The following DNAH3 variants were observed in gnomAD, a reference collection of about 807,000 sequenced individuals.
DNAH3 encodes the protein axonemal beta dynein heavy chain 3.
Under a neutral mutation model 432.5 loss-of-function variants are expected in DNAH3, and 332 were observed. That is an observed-to-expected ratio of 0.77 (90% CI 0.70 to 0.84). The LOEUF (loss-of-function observed/expected upper bound fraction) is 0.84, where lower values mean the gene tolerates loss of function less well. Ranked by LOEUF, DNAH3 falls within the 40% of genes least tolerant of loss-of-function variation. DNAH3 has a pLI of 0.00. For missense variants in DNAH3, 4,861 were observed against 5,114.0 expected, an observed-to-expected ratio of 0.95 and a Z score of 1.51; for synonymous variants, 1,956 against 1,900.2, an observed-to-expected ratio of 1.03 and a Z score of -0.76.
chr16:21,126,313 T>C (rs147919079), intron 8 of DNAH3, among the ~76,000 whole-genome samples: 191 of 152,340 alleles, frequency 1.3e-3, no homozygotes, highest in African/African-American at 4.3e-3. Flanking sequence ...AAAAAGGTAC[T>C]ACTCTAGCAA....
chr16:20,996,782 A>G (rs2086781039), intron 44 of DNAH3: 1 of 153,846 alleles, frequency 6.5e-6, no homozygotes, highest in South Asian at 2.0e-4. Flanking sequence ...TTAACCAATA[A>G]TGTATATCAG....
At position 21,120,105 on chromosome 16, in the gene DNAH3, C is replaced by CTTT. The variant is rs35011784; in HGVS notation, c.1699+632_1699+634dup. Among the ~76,000 whole-genome samples the CTTT allele has an allele frequency of 3.1e-3, 396 of 128,560 alleles. 17 individuals carry two copies. Among genetic ancestry groups the CTTT allele is most frequent in the South Asian group, 0.022 (91 of 4,060 alleles). The allele number at this position is 128,560 out of a possible 152,430, so 84.3% of individuals were successfully genotyped here. A position where few individuals can be genotyped will look rare whatever the true frequency, so the allele number is the denominator to read the frequency against. Reference sequence around the variant, plus strand: ...TCTCTTGTTAGCTTTTCCCTACCAACTTTTTTTTTTTTTTTTTTGACAGAG... The same window carrying CTTT: ...TCTCTTGTTAGCTTTTCCCTACCAACTTTTTTTTTTTTTTTTTTTTTGACAGAG... On this transcript the variant is annotated intron_variant, in intron 11 of 61. Coordinates refer to ENST00000261383, the Ensembl canonical transcript of DNAH3.
In DNAH3 at chr16:21,120,821, C is replaced by T; in HGVS notation, c.1618G>A (p.Ala540Thr). 6.2e-7 allele frequency: 1 copy of T among 1,614,022 alleles called. No individual in the cohort carries two copies. The highest frequency in any genetic ancestry group is 2.2e-5 in the East Asian group (1 of 44,838). ...ACACATTGCCGATCAGCAGCAGCAG[C>T]AGTGAAGGAGAACTTAAGTGGTATG... Residue 540 changes from alanine (A) to threonine (T), a missense_variant, in exon 11 of 62, where the codon GCT becomes ACT. By Grantham distance (58) the Ala-to-Thr change is moderately conservative. Transcript: ENST00000261383.
exon 53 of DNAH3, chr16:20,964,458 C>T: frequency 6.2e-7 from 1 of 1,614,176 alleles, no homozygotes. Flanking sequence ...TTGCCTTGAG[C>T]AAGATAGGTT....
At chr16:21,112,921 G>T (rs1339728794) in intron 12 of DNAH3, among the ~76,000 whole-genome samples, 1 of 152,096 alleles carries the variant, frequency 6.6e-6, no homozygotes, top group Non-Finnish European at 1.5e-5. Context: ...CTCCCATTTG[G>T]AATGGCTGTA....
chr16:20,969,276 GCA>G (rs964363934), intron 52 of DNAH3, among the ~76,000 whole-genome samples: 11 of 150,210 alleles, frequency 7.3e-5, no homozygotes, highest in African/African-American at 2.7e-4. Context: ...GTCTCTGTGT[GCA>G]TGCATGTGTG....
chr16:20,986,860 T>C (rs2086223953), intron 47 of DNAH3, among the ~76,000 whole-genome samples: 1 of 152,140 alleles, frequency 6.6e-6, no homozygotes, highest in Admixed American at 6.5e-5. Flanking sequence ...ATGATAAAAA[T>C]ATAGATGTTT....
chr16:21,134,176 C>T (rs561558533), intron 7 of DNAH3, 83 bp downstream of exon 8: 2 of 1,346,092 alleles, frequency 1.5e-6, no homozygotes, highest in African/African-American at 2.9e-5. Context: ...AGGGCTACCC[C>T]CACTGTGCAC....
chr16:21,022,586 G>A (rs2088299801), intron 39 of DNAH3, among the ~76,000 whole-genome samples: 1 of 152,010 alleles, frequency 6.6e-6, no homozygotes, highest in Admixed American at 6.6e-5. Context: ...GTATGGGTAG[G>A]TTTATATGTT....
intron 52 of DNAH3, among the ~76,000 whole-genome samples, chr16:20,967,753 C>T (rs1341030448): frequency 2.6e-5 from 4 of 151,864 alleles, no homozygotes; most frequent in South Asian, 2.1e-4. Context: ...GGTGATCCTC[C>T]CATCTTGGCC....
exon 50 of DNAH3, chr16:20,979,338 C>G (rs1446026040): frequency 1.1e-5 from 18 of 1,613,982 alleles, no homozygotes; most frequent in Middle Eastern, 1.7e-4. Flanking sequence ...ACCTGAGAAG[C>G]TGCAAAGTCG....
At chr16:21,146,420 G>A (rs975555359) in intron 1 of DNAH3, among the ~76,000 whole-genome samples, 4 of 152,102 alleles carry the variant, frequency 2.6e-5, no homozygotes, top group Non-Finnish European at 4.4e-5. Context: ...GCCAGGCATG[G>A]TGGCGTGTGC....
At chr16:20,980,102 C>T (rs1410562408) in intron 49 of DNAH3, among the ~76,000 whole-genome samples, 1 of 149,960 alleles carries the variant, frequency 6.7e-6, no homozygotes, top group African/African-American at 2.5e-5. Flanking sequence ...TGATGAATCA[C>T]CAGGGCTTAA....
chr16:21,142,137 C>T (rs958273917), intron 3 of DNAH3, among the ~76,000 whole-genome samples: 1 of 152,042 alleles, frequency 6.6e-6, no homozygotes, highest in African/African-American at 2.4e-5. Flanking sequence ...GAGGCCGAGA[C>T]AGGCAGATCA....
rs1394131544 is a variant in DNAH3 at position 20,963,427 on chromosome 16, G to A, written c.10457C>T (p.Pro3486Leu). The A allele has an allele frequency of 1.9e-6, 3 of 1,613,962 alleles. No individual in the cohort carries two copies. The highest frequency in any genetic ancestry group is 1.7e-6 in the Non-Finnish European group (2 of 1,180,020). The change falls in exon 53 of 62, where the codon CCA becomes CTA. Residue 3486 changes from proline to leucine, a missense_variant. Physicochemically the swap from Pro to Leu is moderately conservative, Grantham distance 98 (BLOSUM62 -3). Coordinates refer to ENST00000261383, the Ensembl canonical transcript of DNAH3. ...TTCAGCAATGAACTCCCGGACCGCT[G>A]GCACCATTTTGTCAGGCCGCAAACA...
chr16:20,988,149 G>A, intron 44 of DNAH3, 84 bp from the exon 45 acceptor site: 1 of 1,560,334 alleles, frequency 6.4e-7, no homozygotes, highest in Non-Finnish European at 8.7e-7. Flanking sequence ...ACACGAGGTG[G>A]CTTTGCCTTC....
At position 21,087,174 on chromosome 16, in the gene DNAH3, T is replaced by C. The variant is rs553060276; in HGVS notation, c.2666-114A>G. 25 of 869,130 alleles carry C rather than the reference T, an allele frequency of 2.9e-5. No homozygotes were observed. The African/African-American group carries it at 4.0e-4, about 14-fold the overall frequency. 53.8% of individuals were successfully genotyped at this position (869,130 alleles called of 1,614,324 possible). A position where few individuals can be genotyped will look rare whatever the true frequency, so the allele number is the denominator to read the frequency against. ...CCTGTCGTTTGGAGATTGGAACACA[T>C]ACAGGCTTTGAGGATCTGAAACCTG... On this transcript the variant is annotated intron_variant, in intron 18 of 61. Coordinates refer to ENST00000261383, the Ensembl canonical transcript of DNAH3.
intron 38 of DNAH3, among the ~76,000 whole-genome samples, chr16:21,026,463 G>T (rs2088561548): frequency 6.6e-6 from 1 of 152,100 alleles, no homozygotes; most frequent in Non-Finnish European, 1.5e-5. Context: ...CACACTTTGG[G>T]AGGCTGAGGC....
In DNAH3 at chr16:20,943,230, G is replaced by A. The variant is rs571674769; in HGVS notation, c.11511+1266C>T. ...TGAGTAGCTGGGATTACAGGTGCAC[G>A]CCACTGAGCTCAGCTATTTTTTTTT... is the stretch of plus-strand genomic sequence containing the variant. On this transcript the variant is annotated intron_variant, in intron 58 of 61. Coordinates refer to ENST00000261383, the Ensembl canonical transcript of DNAH3. Among the ~76,000 whole-genome samples the A allele has an allele frequency of 1.8e-4, 28 of 151,820 alleles. 1 individual carries two copies. In the South Asian group the frequency reaches 4.2e-3, roughly 23 times the overall value.
Sources: gnomAD v4.1 joint callset for allele counts (sites outside exome capture counted in the v4.1 genomes callset) on GRCh38, gnomAD v4.1.1 for gene constraint, MANE v1.5 for transcripts, NCBI Gene and HGNC (gene_info 2026-07-23, HGNC 2026-07-21) for gene names.